WDPCP: variants seen among roughly 807,000 people sequenced by gnomAD.
WDPCP encodes the protein WD repeat-containing and planar cell polarity effector protein fritz homolog.
WDPCP carries 71 observed loss-of-function variants against 93.1 expected under a neutral mutation model. The ratio of observed to expected loss-of-function variants is 0.76; its 90% confidence interval spans 0.63 to 0.93. WDPCP has a LOEUF of 0.93. Among genes scored for constraint, WDPCP ranks in the 40% least tolerant of loss-of-function variants. The pLI is 0.00. For missense variants in WDPCP, 844 were observed against 887.4 expected (o/e 0.95, Z 0.62); for synonymous variants, 315 against 315.0 (o/e 1.00, Z 0.00).
intron 3 of WDPCP, chr2:63,606,929 C>T: frequency 1.2e-6 from 2 of 1,612,862 alleles, no homozygotes; most frequent in South Asian, 2.2e-5. Flanking sequence ...ATGGATCTTA[C>T]TGCAAAGGAA....
chr2:63,412,413 A>G (rs548553940), intron 9 of WDPCP, among the ~76,000 whole-genome samples: 1 of 152,328 alleles, frequency 6.6e-6, no homozygotes, highest in South Asian at 2.1e-4. Flanking sequence ...ACAGTCCCAC[A>G]GCCAACATAA....
chr2:63,436,054 A>T (rs1697116622), intron 8 of WDPCP, among the ~76,000 whole-genome samples: 1 of 152,102 alleles, frequency 6.6e-6, no homozygotes, highest in Non-Finnish European at 1.5e-5. Flanking sequence ...TCAAGCTATC[A>T]CACCTAAGAT....
chr2:63,315,286 G>C (rs942463722), intron 12 of WDPCP, among the ~76,000 whole-genome samples: 1 of 152,098 alleles, frequency 6.6e-6, no homozygotes, highest in African/African-American at 2.4e-5. Flanking sequence ...TCAAGTTAAA[G>C]GTGATAAGCT....
intron 6 of WDPCP, among the ~76,000 whole-genome samples, chr2:63,480,529 A>C (rs1359228384): frequency 6.6e-6 from 1 of 152,196 alleles, no homozygotes; most frequent in Non-Finnish European, 1.5e-5. Flanking sequence ...TGCTGGTATA[A>C]AAATAGGCAC....
At chr2:63,122,304 T>G (rs928687765) in intron 17 of WDPCP, among the ~76,000 whole-genome samples, 1 of 152,178 alleles carries the variant, frequency 6.6e-6, no homozygotes, top group Non-Finnish European at 1.5e-5. Context: ...GACAGGATGT[T>G]AATTGAAATT....
intron 17 of WDPCP, among the ~76,000 whole-genome samples, chr2:63,142,205 AG>A (rs1284231908): frequency 6.6e-6 from 1 of 152,026 alleles, no homozygotes; most frequent in Non-Finnish European, 1.5e-5. Flanking sequence ...TTGTTTCTGT[AG>A]TTCCTTGAGG....
At chr2:63,213,664 A>C (rs190342156) in intron 14 of WDPCP, among the ~76,000 whole-genome samples, 1 of 152,324 alleles carries the variant, frequency 6.6e-6, no homozygotes, top group Non-Finnish European at 1.5e-5. Flanking sequence ...AAAACCCTTC[A>C]AAAAATCAAT....
chr2:63,455,417 T>G (rs1181706864), intron 6 of WDPCP, among the ~76,000 whole-genome samples: 5 of 36,696 alleles, frequency 1.4e-4, no homozygotes, highest in Non-Finnish European at 4.9e-5. Context: ...TGTAAAGATA[T>G]ATATATATAT....
At chr2:63,346,842 C>T (rs1307882654) in intron 12 of WDPCP, among the ~76,000 whole-genome samples, 2 of 152,162 alleles carry the variant, frequency 1.3e-5, no homozygotes, top group Non-Finnish European at 2.9e-5. Flanking sequence ...CTAGAAAGTG[C>T]CTCTCATCAT....
intron 14 of WDPCP, among the ~76,000 whole-genome samples, chr2:63,190,955 G>A (rs1674997465): frequency 1.3e-5 from 2 of 152,226 alleles, no homozygotes; most frequent in South Asian, 2.1e-4. Flanking sequence ...ATTATTGCTC[G>A]GAAGCATGAA....
chr2:63,560,846 G>T (rs115162242), intron 1 of WDPCP, among the ~76,000 whole-genome samples: 1 of 152,166 alleles, frequency 6.6e-6, no homozygotes, highest in Non-Finnish European at 1.5e-5. Flanking sequence ...GTAGGGGCCT[G>T]GGGGAGGCAT....
intron 12 of WDPCP, among the ~76,000 whole-genome samples, chr2:63,359,607 A>G (rs904985693): frequency 2.0e-5 from 3 of 152,188 alleles, no homozygotes; most frequent in Non-Finnish European, 4.4e-5. Flanking sequence ...TATAGAACTA[A>G]CCATACATGG....
intron 9 of WDPCP, among the ~76,000 whole-genome samples, chr2:63,406,289 C>T (rs1694577379): frequency 6.6e-6 from 1 of 152,124 alleles, no homozygotes; most frequent in African/African-American, 2.4e-5. Context: ...ATTTTTATTC[C>T]TTTGCCTGAA....
chr2:63,742,144 T>A (rs961233758), intron 2 of WDPCP, among the ~76,000 whole-genome samples: 1 of 152,030 alleles, frequency 6.6e-6, no homozygotes, highest in Non-Finnish European at 1.5e-5. Context: ...GTCTCCCCTA[T>A]CTCTAATAGT....
At chr2:63,596,518 TGTTG>T (rs1709315050) in intron 3 of WDPCP, among the ~76,000 whole-genome samples, 1 of 152,210 alleles carries the variant, frequency 6.6e-6, no homozygotes. Flanking sequence ...CCCAGATTGC[TGTTG>T]GTTTGTCCTC....
chr2:63,223,127 G>A (rs565904921), intron 14 of WDPCP, among the ~76,000 whole-genome samples: 9 of 152,092 alleles, frequency 5.9e-5, no homozygotes, highest in Non-Finnish European at 4.4e-5. Context: ...TATGTAGGAT[G>A]TCTTACATTT....
At chr2:63,756,302 T>A (rs1669967346) in intron 2 of WDPCP, among the ~76,000 whole-genome samples, 1 of 152,172 alleles carries the variant, frequency 6.6e-6, no homozygotes, top group Non-Finnish European at 1.5e-5. Flanking sequence ...TTATAAAAAA[T>A]TCTGTATCCT....
At chr2:63,170,820 A>G (rs1673330155) in intron 15 of WDPCP, among the ~76,000 whole-genome samples, 1 of 152,182 alleles carries the variant, frequency 6.6e-6, no homozygotes, top group Non-Finnish European at 1.5e-5. Context: ...TGGGGTCCTC[A>G]GTAGAGCAAA....
At chr2:63,197,860 C>A (rs1675572894) in intron 14 of WDPCP, among the ~76,000 whole-genome samples, 2 of 152,160 alleles carry the variant, frequency 1.3e-5, no homozygotes, top group East Asian at 1.9e-4. Context: ...TTAGATTGGG[C>A]CCACCTGGAT....
Sources: allele counts gnomAD v4.1 joint callset (sites outside exome capture counted in the v4.1 genomes callset), GRCh38; gene constraint gnomAD v4.1.1; transcripts MANE v1.5; gene names NCBI Gene and HGNC (gene_info 2026-07-23, HGNC 2026-07-21).